The following DOCK9 variants were observed in gnomAD, a reference collection of about 807,000 sequenced individuals.
DOCK9 encodes dedicator of cytokinesis 9.
Under a neutral mutation model 263.3 loss-of-function variants are expected in DOCK9, and 89 were observed. The observed-to-expected ratio is 0.34, with a 90% confidence interval of 0.28 to 0.40. The LOEUF (loss-of-function observed/expected upper bound fraction) is 0.40, where lower values mean the gene tolerates loss of function less well. Among genes scored for constraint, DOCK9 ranks in the 10% least tolerant of loss-of-function variants. DOCK9 has a pLI of 1.00. For missense variants in DOCK9, 2,140 were observed against 2,603.4 expected, an observed-to-expected ratio of 0.82 and a Z score of 3.87; for synonymous variants, 976 against 973.1, an observed-to-expected ratio of 1.00 and a Z score of -0.06.
intron 45 of DOCK9, among the ~76,000 whole-genome samples, chr13:98,819,471 T>C (rs2092124484): frequency 1.3e-5 from 2 of 152,168 alleles, no homozygotes; most frequent in South Asian, 4.1e-4. Context: ...AGTAGGAGTG[T>C]AGTGTGCTAT....
chr13:98,853,591 T>C, intron 34 of DOCK9, 69 bp from the exon 35 acceptor site: 2 of 1,143,900 alleles, frequency 1.7e-6, no homozygotes, highest in Non-Finnish European at 2.6e-6. Context: ...TTTTCTCCCT[T>C]GGAAGAGAAA....
At chr13:98,925,020 C>T (rs893432713) in intron 4 of DOCK9, among the ~76,000 whole-genome samples, 3 of 151,706 alleles carry the variant, frequency 2.0e-5, no homozygotes, top group African/African-American at 4.8e-5. Flanking sequence ...CAAAATTAGC[C>T]GGGCGTGGTG....
At position 98,854,316 on chromosome 13, in the gene DOCK9, A is replaced by T. The variant is rs77241445; in HGVS notation, c.3832-794T>A. On this transcript the variant is annotated intron_variant, in intron 34 of 52. Coordinates refer to ENST00000682017, the MANE Select transcript of DOCK9 (RefSeq NM_001366683.2). Reference sequence around the variant, plus strand: ...TGAATTTCCAATTGAAATAAAAAAAATTTTTTTACCAAATATCAAAGCAAA... The same window carrying T: ...TGAATTTCCAATTGAAATAAAAAAATTTTTTTTACCAAATATCAAAGCAAA... Among the ~76,000 whole-genome samples the T allele has an allele frequency of 7.4e-3, 1,130 of 152,158 alleles. 29 individuals are homozygous for T. The East Asian group carries it at 0.083, about 11-fold the overall frequency.
intron 2 of DOCK9, among the ~76,000 whole-genome samples, chr13:98,933,195 A>C (rs759645795): frequency 4.6e-5 from 7 of 152,234 alleles, no homozygotes; most frequent in Admixed American, 1.3e-4. Context: ...CTTCTAGGCC[A>C]TTCTTCATCC....
intron 1 of DOCK9, 146 bp from the exon 2 acceptor site, chr13:98,955,697 G>A (rs2057972135): frequency 3.3e-6 from 2 of 606,404 alleles, no homozygotes; most frequent in Admixed American, 5.5e-5. Context: ...AGAAATAAGA[G>A]TTGTTTCCAA....
chr13:98,879,348 T>C (rs971335981), intron 27 of DOCK9, among the ~76,000 whole-genome samples: 1 of 152,072 alleles, frequency 6.6e-6, no homozygotes, highest in Non-Finnish European at 1.5e-5. Flanking sequence ...GAGAAGAAAT[T>C]TGAGACTGCG....
At chr13:98,804,703 G>A (rs1446596681) in intron 49 of DOCK9, among the ~76,000 whole-genome samples, 1 of 152,210 alleles carries the variant, frequency 6.6e-6, no homozygotes, top group African/African-American at 2.4e-5. Flanking sequence ...TAGACTGTGT[G>A]CAAAAGCATC....
chr13:98,941,155 C>T (rs1252890662), intron 2 of DOCK9, among the ~76,000 whole-genome samples: 2 of 152,168 alleles, frequency 1.3e-5, no homozygotes, highest in Non-Finnish European at 2.9e-5. Flanking sequence ...TAAGATTACT[C>T]AAAGATACTT....
At chr13:98,811,344 C>A (rs991724571) in intron 45 of DOCK9, among the ~76,000 whole-genome samples, 3 of 151,104 alleles carry the variant, frequency 2.0e-5, no homozygotes, top group African/African-American at 7.3e-5. Flanking sequence ...TTTGAGAGTT[C>A]TTTATATACT....
At chr13:98,911,827 A>G (rs1272686550) in intron 9 of DOCK9, among the ~76,000 whole-genome samples, 2 of 151,952 alleles carry the variant, frequency 1.3e-5, no homozygotes, top group East Asian at 3.9e-4. Flanking sequence ...TATTAAGGGC[A>G]GTGTACTTTC....
intron 1 of DOCK9, among the ~76,000 whole-genome samples, chr13:99,014,036 A>T (rs1333987213): frequency 6.6e-6 from 1 of 152,236 alleles, no homozygotes; most frequent in Admixed American, 6.5e-5. Context: ...GCATGACAGC[A>T]GTGTTCTAGA....
intron 27 of DOCK9, among the ~76,000 whole-genome samples, chr13:98,875,254 A>G (rs1247728504): frequency 6.6e-6 from 1 of 152,212 alleles, no homozygotes; most frequent in African/African-American, 2.4e-5. Context: ...ACTGTTCAAA[A>G]CACTTGAGGG....
rs2092659150 is a variant in DOCK9, at chr13:98,829,035, T to G, written c.4965+272A>C. 6.6e-6 allele frequency among the ~76,000 whole-genome samples: 1 copy of G among 152,226 alleles called. No individual in the cohort carries two copies. Among genetic ancestry groups the G allele is most frequent in the Admixed American group, 6.5e-5 (1 of 15,288 alleles). On this transcript the variant is annotated intron_variant, in intron 43 of 52. Transcript: ENST00000682017. The surrounding 1 kb of genome is among the most constrained non-coding windows in gnomAD (Gnocchi z 4.1). ...TTAGAACTACAGAGGAATTTTGATG[T>G]GTATTTTAATTAGCAGGAGACTGTA...
intron 27 of DOCK9, among the ~76,000 whole-genome samples, chr13:98,870,724 C>A (rs2094163134): frequency 6.6e-6 from 1 of 151,882 alleles, no homozygotes; most frequent in African/African-American, 2.4e-5. Context: ...GGTATCCTTG[C>A]CAGAAAAAAA....
chr13:98,808,387 T>C (rs2090955800), intron 47 of DOCK9, among the ~76,000 whole-genome samples: 1 of 152,168 alleles, frequency 6.6e-6, no homozygotes, highest in Non-Finnish European at 1.5e-5. Flanking sequence ...TTAGCACCAA[T>C]CATGTTTGAC....
intron 1 of DOCK9, among the ~76,000 whole-genome samples, chr13:99,053,423 T>C (rs1841923090): frequency 6.6e-6 from 1 of 152,356 alleles, no homozygotes; most frequent in East Asian, 1.9e-4. Context: ...TAGCTCATTA[T>C]GCTTCTAAGA....
At chr13:99,086,668 C>A, upstream of DOCK9, 1 of 146,846 alleles carries the variant, frequency 6.8e-6, no homozygotes, top group South Asian at 2.0e-4. Flanking sequence ...GGCGACCACT[C>A]GCCGGGCCGC....
At chr13:99,031,343 C>T (rs1887322342) in intron 1 of DOCK9, among the ~76,000 whole-genome samples, 2 of 152,238 alleles carry the variant, frequency 1.3e-5, no homozygotes, top group Admixed American at 6.5e-5. Context: ...GAGAAATAAG[C>T]TAACTTGACC....
chr13:98,864,068 T>C (rs922035864), intron 30 of DOCK9, among the ~76,000 whole-genome samples: 50 of 152,320 alleles, frequency 3.3e-4, no homozygotes, highest in African/African-American at 1.1e-3. Context: ...TAAAACCCAG[T>C]GGATTTAAGA....
Sources: gnomAD v4.1 joint callset for allele counts (sites outside exome capture counted in the v4.1 genomes callset) on GRCh38, gnomAD v4.1.1 for gene constraint, Gnocchi (gnomAD v3.1) non-coding constraint, MANE v1.5 for transcripts, NCBI Gene and HGNC (gene_info 2026-07-23, HGNC 2026-07-21) for gene names.